MAF: variants seen among roughly 807,000 people sequenced by gnomAD.
MAF encodes transcription factor Maf.
In MAF, 10 loss-of-function variants were observed where a neutral mutation model predicts 22.0. The ratio of observed to expected loss-of-function variants is 0.45; its 90% CI spans 0.28 to 0.77. The LOEUF (loss-of-function observed/expected upper bound fraction) is 0.77, where lower values mean the gene tolerates loss of function less well. Ranked by LOEUF, MAF falls within the 30% of genes least tolerant of loss-of-function variation. The pLI is 0.12. For missense variants in MAF, 544 were observed against 548.4 expected (o/e 0.99, Z 0.08); for synonymous variants, 337 against 255.8 (o/e 1.32, Z -3.03).
the MAF span, among the ~76,000 whole-genome samples, chr16:79,368,572 T>C: frequency 1.3e-5 from 2 of 152,124 alleles, no homozygotes; most frequent in African/African-American, 4.8e-5. Context: ...CCTTATGTCC[T>C]TTCTCAGAGT....
chr16:79,343,689 A>G, the MAF span, among the ~76,000 whole-genome samples: 2 of 152,216 alleles, frequency 1.3e-5, no homozygotes, highest in Non-Finnish European at 2.9e-5. Flanking sequence ...TCAATCAATA[A>G]TCTGTAAAAT....
chr16:79,321,851 G>A, the MAF span, among the ~76,000 whole-genome samples: 3 of 151,800 alleles, frequency 2.0e-5, no homozygotes, highest in Admixed American at 6.6e-5. Flanking sequence ...CACCGTGCCC[G>A]GCTGACAGGG....
In MAF at chr16:79,600,596, C is replaced by CT; in HGVS notation, c.-695dup. 1 of 196,342 alleles carries CT rather than the reference C, an allele frequency of 5.1e-6. No homozygotes were observed. The highest frequency in any genetic ancestry group is 1.2e-5 in the Non-Finnish European group (1 of 85,446). The allele number at this position is 196,342 out of a possible 1,614,324, so 12.2% of individuals were successfully genotyped here. On this transcript the variant is annotated 5_prime_UTR_variant, in exon 1 of 2. Transcript: ENST00000326043. ...AGGGGGGAGTTTAGTTCTTTCTTGC[C>CT]TTTTTTTAAAAAAGCAAAATAGCGA...
chr16:79,365,311 T>C, the MAF span, among the ~76,000 whole-genome samples: 2 of 152,236 alleles, frequency 1.3e-5, no homozygotes, highest in Admixed American at 6.5e-5. Context: ...GTAGCACTTT[T>C]AGCAGCTGTA....
the MAF span, among the ~76,000 whole-genome samples, chr16:79,488,932 C>T: frequency 2.0e-5 from 3 of 152,220 alleles, no homozygotes; most frequent in African/African-American, 4.8e-5. Context: ...ATCATCTCTC[C>T]TTCCAGACTT....
the MAF span, among the ~76,000 whole-genome samples, chr16:79,217,054 A>C: frequency 3.1e-3 from 478 of 152,236 alleles, 5 homozygotes; most frequent in Admixed American, 0.023. Context: ...AAGTGATCCA[A>C]CTGCCTCAGC....
At chr16:79,478,870 A>G in the MAF span, among the ~76,000 whole-genome samples, 1 of 151,808 alleles carries the variant, frequency 6.6e-6, no homozygotes, top group Admixed American at 6.6e-5. Context: ...GCATACCTAT[A>G]TACCATCTTA....
chr16:79,579,775 C>T, the MAF span, among the ~76,000 whole-genome samples: 1 of 152,122 alleles, frequency 6.6e-6, no homozygotes, highest in South Asian at 2.1e-4. Flanking sequence ...GTGAAAATGT[C>T]ATTGTTTAAC....
the MAF span, among the ~76,000 whole-genome samples, chr16:79,580,232 G>T: frequency 1.3e-5 from 2 of 152,222 alleles, no homozygotes; most frequent in African/African-American, 4.8e-5. Context: ...CCACAGATCT[G>T]CAGGGATGGT....
At chr16:79,485,530 G>C in the MAF span, among the ~76,000 whole-genome samples, 11 of 152,176 alleles carry the variant, frequency 7.2e-5, no homozygotes, top group African/African-American at 2.7e-4. Context: ...CATAACAACA[G>C]TCCTACAACT....
chr16:79,567,198 A>G, the MAF span, among the ~76,000 whole-genome samples: 1 of 152,136 alleles, frequency 6.6e-6, no homozygotes, highest in African/African-American at 2.4e-5. Context: ...GGAGCTTGTA[A>G]TCCCAGCTAC....
At chr16:79,560,915 C>A in the MAF span, among the ~76,000 whole-genome samples, 1 of 152,224 alleles carries the variant, frequency 6.6e-6, no homozygotes, top group Non-Finnish European at 1.5e-5. Flanking sequence ...AGAAATTCAA[C>A]AGCCATGTAG....
At chr16:79,428,084 A>G in the MAF span, among the ~76,000 whole-genome samples, 1 of 125,938 alleles carries the variant, frequency 7.9e-6, no homozygotes, top group South Asian at 3.2e-4. Context: ...AGAGTGAGAC[A>G]CCGACTCAAA....
At chr16:79,495,864 C>G in the MAF span, among the ~76,000 whole-genome samples, 3 of 152,192 alleles carry the variant, frequency 2.0e-5, no homozygotes, top group South Asian at 2.1e-4. Context: ...ACCATGGACA[C>G]GGGAAGGAAC....
chr16:79,505,951 G>C, the MAF span, among the ~76,000 whole-genome samples: 3 of 151,312 alleles, frequency 2.0e-5, no homozygotes, highest in African/African-American at 7.3e-5. Context: ...AAGGAAAAGA[G>C]AAAGAAAGAA....
the MAF span, among the ~76,000 whole-genome samples, chr16:79,532,354 G>C: frequency 3.3e-5 from 5 of 152,326 alleles, no homozygotes; most frequent in East Asian, 3.9e-4. Flanking sequence ...GCAAATAAGA[G>C]AGTTGGTTCT....
chr16:79,246,149 A>G, the MAF span, among the ~76,000 whole-genome samples: 1 of 152,118 alleles, frequency 6.6e-6, no homozygotes, highest in Non-Finnish European at 1.5e-5. Flanking sequence ...TGGCACGTGT[A>G]TACCTGTGGA....
chr16:79,229,919 C>T, the MAF span, among the ~76,000 whole-genome samples: 1 of 151,902 alleles, frequency 6.6e-6, no homozygotes, highest in African/African-American at 2.4e-5. Context: ...TTTTTATAGG[C>T]CTTTTGCATG....
chr16:79,586,877 C>T (rs536707300), intron 1 of MAF, among the ~76,000 whole-genome samples: 1 of 152,120 alleles, frequency 6.6e-6, no homozygotes, highest in Non-Finnish European at 1.5e-5. Flanking sequence ...ACAATAACGG[C>T]GATAAACTAG....
Sources: gnomAD v4.1 joint callset for allele counts (sites outside exome capture counted in the v4.1 genomes callset) on GRCh38, gnomAD v4.1.1 for gene constraint, MANE v1.5 for transcripts, NCBI Gene and HGNC (gene_info 2026-07-23, HGNC 2026-07-21) for gene names.